MTFR1: variants seen among roughly 807,000 people sequenced by gnomAD.
MTFR1 encodes the protein mitochondrial fission regulator 1, also known as chondrocyte protein with a poly-proline region.
In MTFR1, 28 loss-of-function variants were observed where a neutral mutation model predicts 38.8. The observed-to-expected ratio is 0.72, with a 90% CI of 0.53 to 0.99. The LOEUF is 0.99. MTFR1 is among the 50% of genes least tolerant of loss of function. MTFR1 has a pLI of 0.00. For missense variants in MTFR1, 358 were observed against 395.5 expected (o/e 0.91, Z 0.81); for synonymous variants, 145 against 137.0 (o/e 1.06, Z -0.41).
At chr8:65,698,202 G>T (rs1367470405) in intron 4 of MTFR1, among the ~76,000 whole-genome samples, 1 of 149,070 alleles carries the variant, frequency 6.7e-6, no homozygotes, top group Admixed American at 6.8e-5. Flanking sequence ...GGGCTGGAGT[G>T]CAGTGGCATG....
intron 4 of MTFR1, among the ~76,000 whole-genome samples, chr8:65,702,692 G>T (rs757975680): frequency 2.6e-4 from 39 of 152,198 alleles, no homozygotes; most frequent in Non-Finnish European, 3.8e-4. Flanking sequence ...AGGGTCAGTA[G>T]AAATCATTTT....
At chr8:65,760,957 G>C (rs1808461613) in intron 3 of MTFR1, among the ~76,000 whole-genome samples, 1 of 152,150 alleles carries the variant, frequency 6.6e-6, no homozygotes, top group African/African-American at 2.4e-5. Context: ...CTGGGAACAA[G>C]AGTGACTATG....
intron 3 of MTFR1, among the ~76,000 whole-genome samples, chr8:65,743,864 G>A (rs1421468492): frequency 4.0e-5 from 6 of 150,030 alleles, no homozygotes; most frequent in East Asian, 1.9e-4. Flanking sequence ...AGACAGTCTC[G>A]CTCTATTGCC....
At chr8:65,662,360 G>A (rs536809426) in intron 1 of MTFR1, among the ~76,000 whole-genome samples, 1 of 151,864 alleles carries the variant, frequency 6.6e-6, no homozygotes, top group African/African-American at 2.4e-5. Context: ...TCGGCCTCCC[G>A]AGGTGCCGGG....
intron 1 of MTFR1, among the ~76,000 whole-genome samples, chr8:65,662,508 C>T (rs1286410862): frequency 2.7e-5 from 4 of 149,024 alleles, no homozygotes; most frequent in Non-Finnish European, 6.0e-5. Flanking sequence ...GCAGCCTCTG[C>T]CCGGCCGCCA....
intron 1 of MTFR1, among the ~76,000 whole-genome samples, chr8:65,662,308 C>G (rs1294648983): frequency 6.6e-6 from 1 of 152,142 alleles, no homozygotes; most frequent in South Asian, 2.1e-4. Flanking sequence ...CTGTGTTGGC[C>G]GGGCTGGTCT....
At chr8:65,655,443 T>A (rs1214372246) in intron 1 of MTFR1, among the ~76,000 whole-genome samples, 1 of 152,160 alleles carries the variant, frequency 6.6e-6, no homozygotes, top group Non-Finnish European at 1.5e-5. Flanking sequence ...ATATGTCCGA[T>A]CCTGTGCTGG....
chr8:65,766,408 CT>C (rs1808787160), intron 3 of MTFR1, among the ~76,000 whole-genome samples: 1 of 152,212 alleles, frequency 6.6e-6, no homozygotes, highest in African/African-American at 2.4e-5. Context: ...ACTGAAGTTA[CT>C]TACTCAAAAG....
chr8:65,756,077 A>G (rs1387331128), intron 3 of MTFR1, among the ~76,000 whole-genome samples: 2 of 152,248 alleles, frequency 1.3e-5, no homozygotes, highest in Admixed American at 6.5e-5. Flanking sequence ...CAGGACTGAC[A>G]ATATGTTAGT....
intron 4 of MTFR1, among the ~76,000 whole-genome samples, chr8:65,700,863 T>C: frequency 6.6e-6 from 1 of 152,240 alleles, no homozygotes; most frequent in Non-Finnish European, 1.5e-5. Flanking sequence ...CTGCTAAATT[T>C]GACTCTGACA....
At chr8:65,679,783 C>T (rs997666043) in intron 2 of MTFR1, 2 of 152,124 alleles carry the variant, frequency 1.3e-5, no homozygotes, top group African/African-American at 4.8e-5. Flanking sequence ...TTTTCCTTTC[C>T]CTTAGTCCTC....
intron 2 of MTFR1, among the ~76,000 whole-genome samples, chr8:65,680,228 A>G (rs1356893415): frequency 6.6e-6 from 1 of 152,000 alleles, no homozygotes; most frequent in African/African-American, 2.4e-5. Context: ...CAGTGGTGCA[A>G]TCCTAACTCA....
At position 65,750,504 on chromosome 8, in the gene MTFR1, CTG is replaced by C. The variant is rs1043866998; in HGVS notation, c.*49-20435_*49-20434del. ...TGTGTGTGTGTGTGTGTGTGTGTGT[CTG>C]TGTGTGTCTGTGTGTGTGTGAGACA... is the stretch of plus-strand genomic sequence containing the variant. On this transcript the variant is annotated intron_variant, in intron 3 of 3. Coordinates refer to the MTFR1 transcript ENST00000521247. Among the ~76,000 whole-genome samples, 4 of 143,154 alleles carry C rather than the reference CTG, an allele frequency of 2.8e-5. No individual in the cohort carries two copies. The East Asian group carries it at 6.1e-4, about 22-fold the overall frequency. The allele number at this position is 143,154 out of a possible 152,430, so 93.9% of individuals were successfully genotyped here.
chr8:65,777,031 T>C, the MTFR1 span, among the ~76,000 whole-genome samples: 1 of 152,062 alleles, frequency 6.6e-6, no homozygotes, highest in African/African-American at 2.4e-5. Context: ...TGTTCCTAGC[T>C]TGCTCAGAAT....
intron 1 of MTFR1, among the ~76,000 whole-genome samples, chr8:65,655,949 A>ATATATATATATATATATGT (rs1419222687): frequency 4.4e-4 from 7 of 15,736 alleles, no homozygotes; most frequent in East Asian, 2.9e-3. Flanking sequence ...CTTAAAAAAA[A>ATATATATATATATATATGT]AAATATATAT....
At chr8:65,759,782 G>A (rs548306059) in intron 3 of MTFR1, among the ~76,000 whole-genome samples, 7 of 152,016 alleles carry the variant, frequency 4.6e-5, no homozygotes, top group Non-Finnish European at 8.8e-5. Flanking sequence ...GCCTAGGTTT[G>A]AGAATGGGGA....
At chr8:65,674,959 C>T (rs1804670612) in intron 2 of MTFR1, among the ~76,000 whole-genome samples, 1 of 152,120 alleles carries the variant, frequency 6.6e-6, no homozygotes, top group African/African-American at 2.4e-5. Context: ...TACTTTGCTA[C>T]CCTTAGAAGG....
At chr8:65,707,444 G>C (rs375335260) in intron 6 of MTFR1, among the ~76,000 whole-genome samples, 188 bp downstream of exon 6, 3 of 152,270 alleles carry the variant, frequency 2.0e-5, no homozygotes, top group East Asian at 3.9e-4. Flanking sequence ...ACATTTCCCA[G>C]GTGATGTTTT....
chr8:65,774,175 A>G (rs900216732), downstream of MTFR1, among the ~76,000 whole-genome samples: 8 of 152,232 alleles, frequency 5.3e-5, no homozygotes, highest in African/African-American at 1.9e-4. Context: ...GTTATTGCAG[A>G]AAAACTATGT....
Sources: allele counts gnomAD v4.1 joint callset (sites outside exome capture counted in the v4.1 genomes callset), GRCh38; gene constraint gnomAD v4.1.1; transcripts MANE v1.5; gene names NCBI Gene and HGNC (gene_info 2026-07-23, HGNC 2026-07-21).